NCOA1: variants seen among roughly 807,000 people sequenced by gnomAD.
NCOA1 encodes nuclear receptor coactivator 1, also known as Hin-2 protein.
Under a neutral mutation model 150.9 loss-of-function variants are expected in NCOA1, and 35 were observed. The observed-to-expected ratio is 0.23, with a 90% CI of 0.18 to 0.31. The LOEUF (loss-of-function observed/expected upper bound fraction) is 0.31. Ranked by LOEUF, NCOA1 falls within the 10% of genes least tolerant of loss-of-function variation. NCOA1 has a pLI of 1.00. For missense variants in NCOA1, 1,491 were observed against 1,749.3 expected (o/e 0.85, Z 2.63); for synonymous variants, 590 against 630.0 (o/e 0.94, Z 0.95).
intron 6 of NCOA1, among the ~76,000 whole-genome samples, chr2:24,671,275 G>T (rs575417935): frequency 6.6e-6 from 1 of 152,186 alleles, no homozygotes; most frequent in South Asian, 2.1e-4. Context: ...GAAAAAGTTT[G>T]TACAATTGTC....
chr2:24,537,468 TATATA>T (rs749492756), intron 1 of NCOA1, among the ~76,000 whole-genome samples: 5 of 151,628 alleles, frequency 3.3e-5, no homozygotes, highest in Admixed American at 6.6e-5. Flanking sequence ...TGTGTATATA[TATATA>T]ATATATGTAT....
intron 1 of NCOA1, among the ~76,000 whole-genome samples, chr2:24,525,786 G>A (rs531390906): frequency 1.3e-5 from 2 of 152,166 alleles, no homozygotes; most frequent in African/African-American, 4.8e-5. Context: ...GGCCTCAAGT[G>A]ATCTGCCCGC....
At chr2:24,628,901 A>G (rs780293017) in intron 3 of NCOA1, among the ~76,000 whole-genome samples, 1 of 152,212 alleles carries the variant, frequency 6.6e-6, no homozygotes, top group Non-Finnish European at 1.5e-5. Flanking sequence ...GGATTTTATC[A>G]TAAGTGAGAT....
chr2:24,644,569 G>GT (rs1245676044), intron 4 of NCOA1, among the ~76,000 whole-genome samples: 1 of 151,880 alleles, frequency 6.6e-6, no homozygotes, highest in African/African-American at 2.4e-5. Flanking sequence ...TGTGTATGTA[G>GT]TGTCCATATG....
intron 1 of NCOA1, among the ~76,000 whole-genome samples, chr2:24,493,567 AAG>A (rs1249393673): frequency 6.6e-6 from 1 of 152,152 alleles, no homozygotes; most frequent in Non-Finnish European, 1.5e-5. Context: ...GGTTTAAACC[AAG>A]AGAGTATTTT....
At chr2:24,601,852 T>C (rs1247211667) in intron 3 of NCOA1, among the ~76,000 whole-genome samples, 1 of 151,892 alleles carries the variant, frequency 6.6e-6, no homozygotes, top group African/African-American at 2.4e-5. Flanking sequence ...CCCAGGCTGG[T>C]CGTAAACTCC....
intron 1 of NCOA1, among the ~76,000 whole-genome samples, chr2:24,530,492 C>T (rs1471171495): frequency 6.6e-6 from 1 of 152,104 alleles, no homozygotes; most frequent in Admixed American, 6.5e-5. Flanking sequence ...TTTCAGGTAA[C>T]TTTTGTATTC....
chr2:24,553,457 G>C (rs1264041277), intron 1 of NCOA1, among the ~76,000 whole-genome samples: 1 of 152,064 alleles, frequency 6.6e-6, no homozygotes, highest in Non-Finnish European at 1.5e-5. Flanking sequence ...GACCTCAAGT[G>C]ATCTGCCCAC....
chr2:24,590,179 T>A (rs1667596863), intron 3 of NCOA1, among the ~76,000 whole-genome samples: 1 of 152,226 alleles, frequency 6.6e-6, no homozygotes, highest in African/African-American at 2.4e-5. Flanking sequence ...TCTTTCTCTT[T>A]TCATTTTTAA....
intron 3 of NCOA1, among the ~76,000 whole-genome samples, chr2:24,609,707 G>T (rs1178245511): frequency 1.3e-5 from 2 of 148,806 alleles, no homozygotes; most frequent in Non-Finnish European, 3.0e-5. Context: ...TCATCAATTT[G>T]TGCTTTTATA....
At chr2:24,621,182 C>G (rs1454265049) in intron 3 of NCOA1, among the ~76,000 whole-genome samples, 1 of 152,038 alleles carries the variant, frequency 6.6e-6, no homozygotes, top group Non-Finnish European at 1.5e-5. Flanking sequence ...CACCTGGCCC[C>G]TTTCCTGGAA....
intron 2 of NCOA1, among the ~76,000 whole-genome samples, chr2:24,575,267 G>A (rs1666907519): frequency 6.6e-6 from 1 of 152,076 alleles, no homozygotes; most frequent in Non-Finnish European, 1.5e-5. Context: ...CCTATGCAGT[G>A]TATTTTTCAT....
chr2:24,612,089 T>G (rs1047776956), intron 3 of NCOA1, among the ~76,000 whole-genome samples: 9 of 152,222 alleles, frequency 5.9e-5, no homozygotes, highest in Non-Finnish European at 1.3e-4. Flanking sequence ...CCCTTAAAGA[T>G]CTCTTTTAAG....
At chr2:24,601,505 G>C (rs1668114886) in intron 3 of NCOA1, among the ~76,000 whole-genome samples, 1 of 151,816 alleles carries the variant, frequency 6.6e-6, no homozygotes. Context: ...ATGAGCCACT[G>C]CATCTGGTCA....
chr2:24,563,796 G>A (rs1572423195), intron 1 of NCOA1, among the ~76,000 whole-genome samples: 3 of 152,242 alleles, frequency 2.0e-5, no homozygotes, highest in South Asian at 4.1e-4. Context: ...GGGATTACAA[G>A]CATGATCTAC....
intron 21 of NCOA1, among the ~76,000 whole-genome samples, chr2:24,761,385 C>A (rs1408290595): frequency 2.0e-5 from 3 of 152,156 alleles, no homozygotes; most frequent in Non-Finnish European, 4.4e-5. Flanking sequence ...TTTGCAATAT[C>A]TAATCTGTTT....
Position 24,691,474 on chromosome 2 carries a change from T to C in NCOA1, c.533-7T>C, listed in dbSNP as rs762565072. 5 of 1,611,528 alleles carry C rather than the reference T, an allele frequency of 3.1e-6. No individual in the cohort carries two copies. Among genetic ancestry groups the C allele is most frequent in the Middle Eastern group, 1.6e-4 (1 of 6,068 alleles). Reference sequence around the variant, plus strand: ...TCGCAAGCACATAATCAATTTTTCTTCCTCAGTAAATGGAGTTCCTTGGCC... The same window carrying C: ...TCGCAAGCACATAATCAATTTTTCTCCCTCAGTAAATGGAGTTCCTTGGCC... On this transcript the variant is annotated splice_region_variant and splice_polypyrimidine_tract_variant and intron_variant, in intron 8 of 22. Transcript: ENST00000348332.
chr2:24,672,871 G>C (rs1026243946), intron 6 of NCOA1, among the ~76,000 whole-genome samples: 4 of 152,128 alleles, frequency 2.6e-5, no homozygotes, highest in African/African-American at 9.7e-5. Context: ...CAATTACTTA[G>C]CAGTTTCAGT....
intron 3 of NCOA1, among the ~76,000 whole-genome samples, chr2:24,589,479 T>C (rs1447212275): frequency 1.3e-5 from 2 of 152,216 alleles, no homozygotes; most frequent in Admixed American, 6.5e-5. Context: ...ATTTCCTAAA[T>C]GTACCTTCTT....
Sources: gnomAD v4.1 joint callset for allele counts (sites outside exome capture counted in the v4.1 genomes callset) on GRCh38, gnomAD v4.1.1 for gene constraint, MANE v1.5 for transcripts, NCBI Gene and HGNC (gene_info 2026-07-23, HGNC 2026-07-21) for gene names.